Variants in GAS7 observed in about 807,000 individuals in gnomAD.
The protein encoded by GAS7 is growth arrest specific 7.
A neutral mutation model predicts 71.1 loss-of-function variants in GAS7; 28 were observed. The observed-to-expected ratio is 0.39, with a 90% CI of 0.29 to 0.54. GAS7 has a LOEUF of 0.54. Ranked by LOEUF, GAS7 falls within the 20% of genes least tolerant of loss-of-function variation. GAS7 has a pLI of 0.62. For missense variants in GAS7, 436 were observed against 627.8 expected (o/e 0.69, Z 3.27); for synonymous variants, 258 against 245.8 (o/e 1.05, Z -0.46).
At chr17:10,010,211 G>A (rs941651055) in intron 2 of GAS7, among the ~76,000 whole-genome samples, 12 of 151,620 alleles carry the variant, frequency 7.9e-5, no homozygotes, top group African/African-American at 1.7e-4. Context: ...GTGCAGTGGC[G>A]TGATCTTGGC....
intron 1 of GAS7, among the ~76,000 whole-genome samples, chr17:10,065,744 G>A (rs1336489052): frequency 6.6e-6 from 1 of 152,220 alleles, no homozygotes; most frequent in African/African-American, 2.4e-5. Context: ...ATCTTGGAGA[G>A]CCACTATCAG....
intron 1 of GAS7, among the ~76,000 whole-genome samples, chr17:10,091,880 T>G (rs748330554): frequency 3.9e-5 from 6 of 152,046 alleles, no homozygotes; most frequent in Non-Finnish European, 8.8e-5. Context: ...GAGAGGGTTT[T>G]GCCATGTTTG....
At chr17:10,102,112 G>A (rs2073706884) in intron 1 of GAS7, among the ~76,000 whole-genome samples, 1 of 143,022 alleles carries the variant, frequency 7.0e-6, no homozygotes, top group East Asian at 2.1e-4. Context: ...TTTTTTCAAG[G>A]AAGAAAACAA....
At chr17:10,066,392 C>A (rs1007204337) in intron 1 of GAS7, among the ~76,000 whole-genome samples, 4 of 152,226 alleles carry the variant, frequency 2.6e-5, no homozygotes, top group Non-Finnish European at 5.9e-5. Flanking sequence ...GTTGGTCAGG[C>A]TGGTCTCAAA....
chr17:9,920,058 G>T (rs1393697102), intron 11 of GAS7, among the ~76,000 whole-genome samples: 1 of 146,654 alleles, frequency 6.8e-6, no homozygotes, highest in Non-Finnish European at 1.5e-5. Flanking sequence ...ATGAGCCCAA[G>T]AAATGCTTCC....
chr17:9,988,367 G>A (rs923512548), intron 2 of GAS7, among the ~76,000 whole-genome samples: 5 of 152,112 alleles, frequency 3.3e-5, no homozygotes, highest in Non-Finnish European at 5.9e-5. Context: ...TCCTCCAAGC[G>A]AGCCCCATTG....
chr17:9,986,549 A>G (rs2070656380), intron 2 of GAS7, among the ~76,000 whole-genome samples: 1 of 152,194 alleles, frequency 6.6e-6, no homozygotes, highest in Non-Finnish European at 1.5e-5. Flanking sequence ...CTACCAGTAC[A>G]GAGGCAATCA....
chr17:10,100,364 C>A (rs1002133953), intron 1 of GAS7, among the ~76,000 whole-genome samples: 1 of 152,200 alleles, frequency 6.6e-6, no homozygotes, highest in African/African-American at 2.4e-5. Flanking sequence ...TGGACTCACA[C>A]AAAGTTCAGC....
intron 1 of GAS7, among the ~76,000 whole-genome samples, chr17:10,035,541 C>T (rs1450722443): frequency 6.6e-6 from 1 of 152,126 alleles, no homozygotes; most frequent in South Asian, 2.1e-4. Context: ...GGAAGCCATG[C>T]CAGAATCAGA....
At position 10,153,140 on chromosome 17, in the gene GAS7, G is replaced by A. The variant is rs1212024525; in HGVS notation, c.183+45068C>T. ...CAGGAGAATTGCTTGAACCCAGGAG[G>A]AGGAGGTTACACTGAGCCAAGATCA... On this transcript the variant is annotated intron_variant, in intron 1 of 13. Coordinates refer to ENST00000432992, the MANE Select transcript of GAS7 (RefSeq NM_201433.2). Among the ~76,000 whole-genome samples, 4 of 150,030 alleles carry A rather than the reference G, an allele frequency of 2.7e-5. No individual in the cohort carries two copies. In the East Asian group the frequency reaches 7.8e-4, roughly 29 times the overall value.
At chr17:10,132,225 A>G (rs1024570241) in intron 1 of GAS7, among the ~76,000 whole-genome samples, 3 of 152,182 alleles carry the variant, frequency 2.0e-5, no homozygotes, top group African/African-American at 7.2e-5. Context: ...TTTGTTTCCT[A>G]AACATCTGGT....
intron 2 of GAS7, among the ~76,000 whole-genome samples, chr17:9,999,971 A>G (rs984433660): frequency 6.6e-6 from 1 of 152,228 alleles, no homozygotes. Flanking sequence ...TGCTAGGAAC[A>G]GGGGCAGCCT....
At chr17:9,967,811 T>C (rs1281784174) in intron 4 of GAS7, among the ~76,000 whole-genome samples, 1 of 152,162 alleles carries the variant, frequency 6.6e-6, no homozygotes, top group East Asian at 1.9e-4. Flanking sequence ...GTGAATAGCC[T>C]TGCACATAAA....
chr17:10,111,441 G>A (rs1239363588), intron 1 of GAS7, among the ~76,000 whole-genome samples: 1 of 152,130 alleles, frequency 6.6e-6, no homozygotes, highest in Non-Finnish European at 1.5e-5. Flanking sequence ...GCTGAGGCAG[G>A]AGAATGGCAT....
intron 1 of GAS7, among the ~76,000 whole-genome samples, chr17:10,173,372 G>A (rs935404516): frequency 1.3e-5 from 2 of 152,044 alleles, no homozygotes; most frequent in Non-Finnish European, 2.9e-5. Flanking sequence ...AGGGGAGGCG[G>A]GGAAGAGGGA....
chr17:10,132,842 A>G (rs897939597), intron 1 of GAS7, among the ~76,000 whole-genome samples: 1 of 152,074 alleles, frequency 6.6e-6, no homozygotes, highest in Admixed American at 6.6e-5. Context: ...CATTCATAAC[A>G]TGTAGCAACA....
At chr17:9,937,814 A>T (rs540555638) in intron 8 of GAS7, among the ~76,000 whole-genome samples, 1 of 152,236 alleles carries the variant, frequency 6.6e-6, no homozygotes, top group Admixed American at 6.5e-5. Flanking sequence ...CCCTTGGAGA[A>T]GGAATTCAAA....
chr17:10,140,683 C>A (rs781212850), intron 1 of GAS7, among the ~76,000 whole-genome samples: 2 of 152,176 alleles, frequency 1.3e-5, no homozygotes, highest in Admixed American at 6.5e-5. Flanking sequence ...CATGCAAACC[C>A]TGACTGACAC....
intron 1 of GAS7, among the ~76,000 whole-genome samples, chr17:10,159,445 T>C (rs145508400): frequency 6.6e-6 from 1 of 152,086 alleles, no homozygotes. Flanking sequence ...TATTTATTCA[T>C]AGGGTGACAC....
Sources: allele counts gnomAD v4.1 joint callset (sites outside exome capture counted in the v4.1 genomes callset), GRCh38; gene constraint gnomAD v4.1.1; transcripts MANE v1.5; gene names NCBI Gene and HGNC (gene_info 2026-07-23, HGNC 2026-07-21).